The following CNTNAP2 variants were observed in gnomAD, a reference collection of about 807,000 sequenced individuals.
CNTNAP2 encodes the protein contactin associated protein 2.
CNTNAP2 carries 98 observed loss-of-function variants against 155.2 expected under a neutral mutation model. The observed-to-expected ratio is 0.63, with a 90% CI of 0.54 to 0.75. The LOEUF is 0.75. CNTNAP2 is among the 30% of genes least tolerant of loss of function. CNTNAP2 has a pLI of 0.00. For missense variants in CNTNAP2, 1,727 were observed against 1,688.1 expected (o/e 1.02, Z -0.40); for synonymous variants, 651 against 631.2 (o/e 1.03, Z -0.47).
At chr7:147,949,967 G>A (rs1221225932) in intron 14 of CNTNAP2, among the ~76,000 whole-genome samples, 1 of 152,118 alleles carries the variant, frequency 6.6e-6, no homozygotes, top group East Asian at 1.9e-4. Context: ...TCGGGCACAA[G>A]GCCAGCCAGC....
At position 146,879,167 on chromosome 7, in the gene CNTNAP2, A is replaced by G. The variant is rs140532640; in HGVS notation, c.402+39263A>G. ...ATTTCATTGCCCTGTGGCAGGCATC[A>G]TTTTCCCATCACTGCATACTTGATT... On this transcript the variant is annotated intron_variant, in intron 3 of 23. Coordinates refer to ENST00000361727, the MANE Select transcript of CNTNAP2 (RefSeq NM_014141.6). Among the ~76,000 whole-genome samples, 1,031 of 152,262 alleles carry G rather than the reference A, an allele frequency of 6.8e-3. 2 individuals are homozygous for G. Among genetic ancestry groups the G allele is most frequent in the South Asian group, 0.017 (84 of 4,832 alleles).
At chr7:146,148,571 C>T (rs1797988803) in intron 1 of CNTNAP2, among the ~76,000 whole-genome samples, 1 of 151,950 alleles carries the variant, frequency 6.6e-6, no homozygotes, top group South Asian at 2.1e-4. Flanking sequence ...ACGTGCACGC[C>T]TGATTTATTT....
chr7:147,612,755 A>G (rs571104915), intron 12 of CNTNAP2, among the ~76,000 whole-genome samples: 8 of 152,188 alleles, frequency 5.3e-5, no homozygotes, highest in South Asian at 2.1e-4. Context: ...AGAATATTTT[A>G]TTGATATCTG....
chr7:147,167,798 G>T (rs1802144545), intron 8 of CNTNAP2, among the ~76,000 whole-genome samples: 1 of 152,078 alleles, frequency 6.6e-6, no homozygotes. Flanking sequence ...GTTTTGGAAT[G>T]CAGTTGATTC....
At chr7:148,210,447 A>G (rs1419130038) in intron 18 of CNTNAP2, among the ~76,000 whole-genome samples, 3 of 152,168 alleles carry the variant, frequency 2.0e-5, no homozygotes, top group African/African-American at 7.2e-5. Flanking sequence ...CCTGTTTAAG[A>G]CCCTAGTAGA....
At chr7:146,523,731 T>C (rs1318878085) in intron 1 of CNTNAP2, among the ~76,000 whole-genome samples, 7 of 152,132 alleles carry the variant, frequency 4.6e-5, no homozygotes, top group Admixed American at 4.6e-4. Context: ...AAGCTTCAGA[T>C]TATTAAAGTT....
At chr7:147,744,179 G>A (rs1424029969) in intron 13 of CNTNAP2, among the ~76,000 whole-genome samples, 1 of 152,166 alleles carries the variant, frequency 6.6e-6, no homozygotes, top group Non-Finnish European at 1.5e-5. Context: ...AAGAACTTCA[G>A]TGGGTAAATT....
At chr7:147,022,073 T>C (rs1798827662) in intron 3 of CNTNAP2, among the ~76,000 whole-genome samples, 1 of 152,214 alleles carries the variant, frequency 6.6e-6, no homozygotes, top group African/African-American at 2.4e-5. Context: ...AGCTGTCCTG[T>C]AGACCCTATC....
chr7:147,502,369 A>G (rs569510520), intron 11 of CNTNAP2, among the ~76,000 whole-genome samples: 1 of 152,322 alleles, frequency 6.6e-6, no homozygotes, highest in South Asian at 2.1e-4. Flanking sequence ...GCATAATGCT[A>G]AGTGAAATAA....
intron 21 of CNTNAP2, among the ~76,000 whole-genome samples, chr7:148,281,557 T>C (rs1272448893): frequency 1.3e-5 from 2 of 152,234 alleles, no homozygotes; most frequent in Non-Finnish European, 2.9e-5. Flanking sequence ...TATAGCGTAG[T>C]CTTAATGTCC....
intron 9 of CNTNAP2, among the ~76,000 whole-genome samples, chr7:147,376,239 C>G (rs764060693): frequency 1.3e-5 from 2 of 151,872 alleles, no homozygotes; most frequent in Non-Finnish European, 2.9e-5. Context: ...AGAGGGCAGT[C>G]CCAGTGTTCA....
chr7:146,682,204 G>A (rs1800517009), intron 1 of CNTNAP2, among the ~76,000 whole-genome samples: 1 of 151,832 alleles, frequency 6.6e-6, no homozygotes, highest in Admixed American at 6.6e-5. Flanking sequence ...TCCTCACTGT[G>A]GAAGAACAAT....
intron 3 of CNTNAP2, among the ~76,000 whole-genome samples, chr7:146,844,512 G>A (rs1365657827): frequency 7.1e-6 from 1 of 141,512 alleles, no homozygotes; most frequent in Non-Finnish European, 1.5e-5. Flanking sequence ...ATCTGTTAGA[G>A]AGAGAGAGAG....
At chr7:146,147,406 A>G (rs1325309298) in intron 1 of CNTNAP2, among the ~76,000 whole-genome samples, 2 of 152,180 alleles carry the variant, frequency 1.3e-5, no homozygotes, top group African/African-American at 4.8e-5. Context: ...GTGAAAGGCC[A>G]TTATAGGTGG....
At chr7:148,125,844 G>A (rs1804707821) in intron 16 of CNTNAP2, among the ~76,000 whole-genome samples, 1 of 151,832 alleles carries the variant, frequency 6.6e-6, no homozygotes. Flanking sequence ...TGGGATCACA[G>A]ACATGTGCCA....
At chr7:147,723,151 C>G (rs1335409336) in intron 13 of CNTNAP2, among the ~76,000 whole-genome samples, 1 of 151,728 alleles carries the variant, frequency 6.6e-6, no homozygotes, top group African/African-American at 2.4e-5. Context: ...TGATAAAGTT[C>G]TCTCTCCTCT....
chr7:148,386,216 CATT>C (rs1485568661), intron 22 of CNTNAP2, among the ~76,000 whole-genome samples: 1 of 152,098 alleles, frequency 6.6e-6, no homozygotes, highest in African/African-American at 2.4e-5. Flanking sequence ...ATGCAATTGT[CATT>C]ATACCAATTA....
At chr7:147,202,812 G>A (rs907131123) in intron 8 of CNTNAP2, among the ~76,000 whole-genome samples, 1 of 151,282 alleles carries the variant, frequency 6.6e-6, no homozygotes, top group Non-Finnish European at 1.5e-5. Flanking sequence ...TAGGGGGCTG[G>A]GGTAGTGATA....
intron 14 of CNTNAP2, among the ~76,000 whole-genome samples, chr7:147,904,493 G>C (rs17237129): frequency 0.037 from 5,665 of 152,254 alleles, 181 homozygotes; most frequent in Middle Eastern, 0.061. Flanking sequence ...TACATTTTTA[G>C]AAGTGTTGAG....
Sources: gnomAD v4.1 joint callset for allele counts (sites outside exome capture counted in the v4.1 genomes callset) on GRCh38, gnomAD v4.1.1 for gene constraint, MANE v1.5 for transcripts, NCBI Gene and HGNC (gene_info 2026-07-23, HGNC 2026-07-21) for gene names.